The following GLIS3 variants were observed in gnomAD, a reference collection of about 807,000 sequenced individuals.
GLIS3 encodes the protein zinc finger protein GLIS3.
In GLIS3, 53 loss-of-function variants were observed where a neutral mutation model predicts 78.6. The ratio of observed to expected loss-of-function variants is 0.67; its 90% confidence interval spans 0.54 to 0.85. The LOEUF (loss-of-function observed/expected upper bound fraction) is 0.85. GLIS3 is among the 40% of genes least tolerant of loss of function. GLIS3 has a pLI of 0.00. For missense variants in GLIS3, 1,703 were observed against 1,231.1 expected, an observed-to-expected ratio of 1.38 and a Z score of -5.74; for synonymous variants, 684 against 509.9, an observed-to-expected ratio of 1.34 and a Z score of -4.60.
At chr9:3,978,275 G>C (rs1416374587) in intron 4 of GLIS3, among the ~76,000 whole-genome samples, 1 of 151,146 alleles carries the variant, frequency 6.6e-6, no homozygotes, top group Non-Finnish European at 1.5e-5. Flanking sequence ...ATTGATTCTT[G>C]TTACATGAAG....
chr9:3,862,884 T>C (rs1820312802), intron 8 of GLIS3, among the ~76,000 whole-genome samples: 1 of 149,938 alleles, frequency 6.7e-6, no homozygotes, highest in Admixed American at 6.7e-5. Flanking sequence ...AAATAATGGA[T>C]ATAAACTAGT....
At position 4,190,556 on chromosome 9, in the gene GLIS3, T is replaced by C. The variant is rs978562985; in HGVS notation, c.389-64615A>G. Reference sequence around the variant, plus strand: ...GTGAAAAGACCAAGTCTACGTCTGATTGGTGTACCTGAAAGTGACGGGGAG... The same window carrying C: ...GTGAAAAGACCAAGTCTACGTCTGACTGGTGTACCTGAAAGTGACGGGGAG... On this transcript the variant is annotated intron_variant, in intron 2 of 10. Coordinates refer to ENST00000381971, the MANE Select transcript of GLIS3 (RefSeq NM_001042413.2). 8.2e-5 allele frequency among the ~76,000 whole-genome samples: 12 copies of C among 145,716 alleles called. 2 individuals are homozygous for C. The highest frequency in any genetic ancestry group is 2.9e-4 in the African/African-American group (12 of 41,062).
chr9:4,129,767 C>T (rs1832834012), intron 2 of GLIS3, among the ~76,000 whole-genome samples: 1 of 152,154 alleles, frequency 6.6e-6, no homozygotes, highest in Non-Finnish European at 1.5e-5. Flanking sequence ...AGGAGTGGGG[C>T]ATTACCATGA....
At chr9:3,863,343 G>A (rs1168068354) in intron 8 of GLIS3, among the ~76,000 whole-genome samples, 1 of 152,202 alleles carries the variant, frequency 6.6e-6, no homozygotes, top group African/African-American at 2.4e-5. Context: ...ACTGCAAATT[G>A]AATTCGGCTT....
At chr9:3,978,326 T>C (rs776059618) in intron 4 of GLIS3, among the ~76,000 whole-genome samples, 2 of 152,132 alleles carry the variant, frequency 1.3e-5, no homozygotes, top group Non-Finnish European at 2.9e-5. Flanking sequence ...ATAAACACTA[T>C]TAGTATATAG....
chr9:4,364,061 T>C, the GLIS3 span, among the ~76,000 whole-genome samples: 3 of 152,214 alleles, frequency 2.0e-5, no homozygotes, highest in Non-Finnish European at 2.9e-5. Flanking sequence ...CTAATAAATA[T>C]TAAAAGCATA....
At chr9:4,235,839 G>C (rs1822680791) in intron 2 of GLIS3, among the ~76,000 whole-genome samples, 1 of 152,190 alleles carries the variant, frequency 6.6e-6, no homozygotes, top group African/African-American at 2.4e-5. Context: ...AGAACCAAAA[G>C]AAAGAAACAC....
At chr9:4,184,595 A>G (rs13300699) in intron 2 of GLIS3, among the ~76,000 whole-genome samples, 25,740 of 152,148 alleles carry the variant, frequency 0.17, 2,302 homozygotes, top group Middle Eastern at 0.25. Flanking sequence ...TTTGCTTAAA[A>G]GAGAGAGAGG....
At chr9:3,899,090 G>A in intron 6 of GLIS3, 2 of 533,868 alleles carry the variant, frequency 3.7e-6, no homozygotes, top group Non-Finnish European at 6.8e-6. Flanking sequence ...TTCCACTTCT[G>A]GCAACTCAAC....
chr9:4,417,698 C>T, the GLIS3 span, among the ~76,000 whole-genome samples: 1 of 152,022 alleles, frequency 6.6e-6, no homozygotes, highest in Non-Finnish European at 1.5e-5. Flanking sequence ...TTTTGTTGTC[C>T]TCAAAAAGGT....
the GLIS3 span, among the ~76,000 whole-genome samples, chr9:4,393,128 A>G: frequency 6.6e-6 from 1 of 152,154 alleles, no homozygotes; most frequent in South Asian, 2.1e-4. Flanking sequence ...TTTTGCAATA[A>G]TAGTATAAGG....
chr9:3,923,969 G>C (rs1031113704), intron 6 of GLIS3, among the ~76,000 whole-genome samples: 3 of 152,244 alleles, frequency 2.0e-5, no homozygotes, highest in Admixed American at 6.5e-5. Flanking sequence ...AATACATTTT[G>C]CATATAATTT....
intron 6 of GLIS3, among the ~76,000 whole-genome samples, chr9:3,931,020 T>C (rs566008462): frequency 1.6e-4 from 25 of 152,310 alleles, no homozygotes; most frequent in Admixed American, 3.3e-4. Context: ...AGCAGTTCCT[T>C]TGCTTTTCTG....
At chr9:4,237,653 A>G (rs1208487551) in intron 2 of GLIS3, among the ~76,000 whole-genome samples, 2 of 152,234 alleles carry the variant, frequency 1.3e-5, no homozygotes, top group Non-Finnish European at 1.5e-5. Flanking sequence ...ATTTAGAAGT[A>G]CAGTTTGTCA....
rs1261396889 is a variant in GLIS3 at position 4,227,562 on chromosome 9, G to A, written c.388+58476C>T. Among the ~76,000 whole-genome samples, 3 of 152,080 alleles carry A rather than the reference G, an allele frequency of 2.0e-5. No individual in the cohort carries two copies. The East Asian group carries it at 5.8e-4, about 29-fold the overall frequency. ...TAATTCCATGTGAGTATCTCCTATT[G>A]ACTGCAAGAGTGACTTGAATCCTGG... On this transcript the variant is annotated intron_variant, in intron 2 of 10. Coordinates refer to ENST00000381971, the MANE Select transcript of GLIS3 (RefSeq NM_001042413.2).
At chr9:3,873,927 C>T (rs907685802) in intron 8 of GLIS3, among the ~76,000 whole-genome samples, 2 of 152,114 alleles carry the variant, frequency 1.3e-5, no homozygotes, top group Admixed American at 6.5e-5. Flanking sequence ...CTGATTCATA[C>T]ACTAGATTGA....
At chr9:3,832,358 C>G (rs1021585442) in intron 9 of GLIS3, among the ~76,000 whole-genome samples, 8 of 151,900 alleles carry the variant, frequency 5.3e-5, no homozygotes, top group African/African-American at 1.7e-4. Flanking sequence ...TTAACAATAA[C>G]CAATGTAAGA....
rs1353830872 is a variant in GLIS3, at chr9:4,118,968, T to C, written c.597-87A>G. The C allele has an allele frequency of 7.1e-5, 96 of 1,349,756 alleles. No individual in the cohort carries two copies. Among genetic ancestry groups the C allele is most frequent in the African/African-American group, 5.8e-5 (4 of 69,158 alleles). 83.6% of individuals were successfully genotyped at this position (1,349,756 alleles called of 1,614,324 possible). A position where few individuals can be genotyped will look rare whatever the true frequency, so the allele number is the denominator to read the frequency against. ...GCTTAAGAGCTAAAAGAACACTGCA[T>C]TGACAATCCCTTAAGTATTTCCCCT... is the stretch of plus-strand genomic sequence containing the variant. On this transcript the variant is annotated intron_variant, in intron 3 of 10. Transcript: ENST00000381971. This position sits in a 1 kb window ranked among gnomAD's most constrained non-coding sequence, Gnocchi z 4.7.
intron 8 of GLIS3, among the ~76,000 whole-genome samples, chr9:3,877,903 C>T (rs1174026501): frequency 6.6e-6 from 1 of 152,094 alleles, no homozygotes; most frequent in African/African-American, 2.4e-5. Context: ...GTGTTTCTCT[C>T]TTAACAAAGA....
Sources: gnomAD v4.1 joint callset for allele counts (sites outside exome capture counted in the v4.1 genomes callset) on GRCh38, gnomAD v4.1.1 for gene constraint, Gnocchi (gnomAD v3.1) non-coding constraint, MANE v1.5 for transcripts, NCBI Gene and HGNC (gene_info 2026-07-23, HGNC 2026-07-21) for gene names.